Variants in SNX13 observed in about 807,000 individuals in gnomAD.
SNX13 encodes the protein sorting nexin 13.
Under a neutral mutation model 133.6 loss-of-function variants are expected in SNX13, and 45 were observed. The ratio of observed to expected loss-of-function variants is 0.34; its 90% CI spans 0.27 to 0.43. The LOEUF is 0.43. Ranked by LOEUF, SNX13 falls within the 20% of genes least tolerant of loss-of-function variation. The pLI, the probability that SNX13 is intolerant of heterozygous loss-of-function variation, is 1.00. For missense variants in SNX13, 1,032 were observed against 1,145.1 expected (o/e 0.90, Z 1.43); for synonymous variants, 414 against 373.9 (o/e 1.11, Z -1.24).
At chr7:17,860,942 G>A (rs1042265373) in intron 9 of SNX13, among the ~76,000 whole-genome samples, 5 of 152,164 alleles carry the variant, frequency 3.3e-5, no homozygotes, top group Non-Finnish European at 5.9e-5. Context: ...GCACTGAATC[G>A]GTAAATTGCT....
chr7:17,925,893 G>C (rs1261080676), intron 1 of SNX13, among the ~76,000 whole-genome samples: 1 of 152,204 alleles, frequency 6.6e-6, no homozygotes, highest in Non-Finnish European at 1.5e-5. Context: ...TACTGAATTA[G>C]AACCTGGTTC....
At chr7:17,884,482 T>C (rs1269793137) in intron 5 of SNX13, among the ~76,000 whole-genome samples, 1 of 152,222 alleles carries the variant, frequency 6.6e-6, no homozygotes. Flanking sequence ...TTTTTTCAAC[T>C]ATAGATAACA....
At chr7:17,864,579 GTAA>G (rs539506468) in intron 9 of SNX13, among the ~76,000 whole-genome samples, 2 of 152,114 alleles carry the variant, frequency 1.3e-5, no homozygotes, top group East Asian at 3.9e-4. Context: ...GAGAGACTGG[GTAA>G]AAAGTTTATT....
intron 17 of SNX13, among the ~76,000 whole-genome samples, chr7:17,823,572 C>T (rs1440698051): frequency 6.6e-6 from 1 of 152,098 alleles, no homozygotes; most frequent in Non-Finnish European, 1.5e-5. Context: ...ATTCCCTTTC[C>T]ATCTATTATC....
At chr7:17,865,342 T>C (rs937678299) in intron 9 of SNX13, among the ~76,000 whole-genome samples, 3 of 152,188 alleles carry the variant, frequency 2.0e-5, no homozygotes, top group African/African-American at 7.2e-5. Context: ...ATAGTGTTTC[T>C]ATGTGAACAA....
Position 17,849,979 on chromosome 7 carries a change from C to T in SNX13, c.1065+368G>A, listed in dbSNP as rs371269739. Among the ~76,000 whole-genome samples, 7 of 152,142 alleles carry T rather than the reference C, an allele frequency of 4.6e-5. No homozygotes were observed. In the East Asian group the frequency reaches 1.3e-3, roughly 29 times the overall value. On this transcript the variant is annotated intron_variant, in intron 11 of 25. Coordinates refer to ENST00000428135, the MANE Select transcript of SNX13 (RefSeq NM_015132.5). Reference sequence around the variant, plus strand: ...CTTATTGGTTTATTTCCTGACTCTGCAACTAAAATGTAAACTCCACGAAAA... The same window carrying T: ...CTTATTGGTTTATTTCCTGACTCTGTAACTAAAATGTAAACTCCACGAAAA...
At position 17,821,496 on chromosome 7, in the gene SNX13, A is replaced by T. The variant is rs1470255489; in HGVS notation, c.1845+13T>A. The T allele has an allele frequency of 1.3e-6, 2 of 1,593,786 alleles. No homozygotes were observed. Among genetic ancestry groups the T allele is most frequent in the African/African-American group, 2.7e-5 (2 of 74,014 alleles). The stretch of plus-strand genomic sequence containing the variant: ...AACAACATAAAGTACACAAGTTTTT[A>T]AAACTTCATTACCTGTTCAGTGATT... On this transcript the variant is annotated intron_variant, in intron 18 of 25. Transcript: ENST00000428135.
chr7:17,890,863 T>C (rs765208836), intron 4 of SNX13, among the ~76,000 whole-genome samples: 8 of 151,898 alleles, frequency 5.3e-5, no homozygotes, highest in Non-Finnish European at 8.8e-5. Context: ...TAATAGAGAC[T>C]ATAATTCCAC....
At chr7:17,797,976 A>G (rs1253208029) in intron 24 of SNX13, among the ~76,000 whole-genome samples, 2 of 151,938 alleles carry the variant, frequency 1.3e-5, no homozygotes, top group Non-Finnish European at 2.9e-5. Flanking sequence ...ATCAGAAAGC[A>G]TACATAAAGT....
intron 5 of SNX13, chr7:17,879,647 G>A (rs1417474528): frequency 6.6e-6 from 1 of 152,174 alleles, no homozygotes; most frequent in African/African-American, 2.4e-5. Flanking sequence ...CCAAATATGT[G>A]GTTGAGTTTA....
intron 20 of SNX13, among the ~76,000 whole-genome samples, chr7:17,808,760 G>A (rs1480183245): frequency 1.3e-5 from 2 of 152,086 alleles, no homozygotes; most frequent in Non-Finnish European, 1.5e-5. Context: ...AGATCTCTTG[G>A]CAGAATCCCT....
chr7:17,870,514 T>TA (rs1278182468), intron 8 of SNX13, among the ~76,000 whole-genome samples: 3 of 152,150 alleles, frequency 2.0e-5, no homozygotes, highest in Non-Finnish European at 2.9e-5. Flanking sequence ...AAATTTATTT[T>TA]AAAAAAATGT....
intron 9 of SNX13, among the ~76,000 whole-genome samples, chr7:17,867,615 A>C (rs1793555416): frequency 6.6e-6 from 1 of 151,328 alleles, no homozygotes. Context: ...AAAAATAAAT[A>C]AATAAAAATA....
chr7:17,795,260 T>G (rs1783923316), intron 25 of SNX13: 1 of 151,706 alleles, frequency 6.6e-6, no homozygotes, highest in African/African-American at 2.4e-5. Context: ...TTCTTATTCA[T>G]AATTACAAAT....
chr7:17,911,637 CAAAAA>C (rs77578497), intron 1 of SNX13, among the ~76,000 whole-genome samples: 1 of 118,710 alleles, frequency 8.4e-6, no homozygotes. Context: ...GACTCTGTCT[CAAAAA>C]AAAAAAAAAA....
At chr7:17,814,666 G>C (rs1182879630) in intron 20 of SNX13, among the ~76,000 whole-genome samples, 168 bp downstream of exon 20, 1 of 151,982 alleles carries the variant, frequency 6.6e-6, no homozygotes, top group Non-Finnish European at 1.5e-5. Context: ...GTCAAGACAG[G>C]AGTTTATATG....
At chr7:17,917,338 C>T (rs558309180) in intron 1 of SNX13, among the ~76,000 whole-genome samples, 7 of 152,152 alleles carry the variant, frequency 4.6e-5, no homozygotes, top group Middle Eastern at 3.4e-3. Flanking sequence ...AGAAAGAAAA[C>T]GCATCCAAAT....
At chr7:17,805,032 G>C (rs1785032373) in intron 20 of SNX13, among the ~76,000 whole-genome samples, 1 of 152,166 alleles carries the variant, frequency 6.6e-6, no homozygotes, top group South Asian at 2.1e-4. Flanking sequence ...TCAGCCAATA[G>C]TACCATAGAT....
intron 5 of SNX13, 134 bp downstream of exon 5, chr7:17,890,229 A>C (rs1051807617): frequency 7.1e-5 from 53 of 742,412 alleles, no homozygotes; most frequent in Middle Eastern, 3.2e-4. Context: ...AAAATCTTGG[A>C]GTTATCCCAC....
Sources: allele counts gnomAD v4.1 joint callset (sites outside exome capture counted in the v4.1 genomes callset), GRCh38; gene constraint gnomAD v4.1.1; transcripts MANE v1.5; gene names NCBI Gene and HGNC (gene_info 2026-07-23, HGNC 2026-07-21).